Variants in LHX4 observed in about 807,000 individuals in gnomAD.
LHX4 encodes the protein LIM/homeobox protein Lhx4.
A neutral mutation model predicts 39.2 loss-of-function variants in LHX4; 16 were observed. The ratio of observed to expected loss-of-function variants is 0.41; its 90% CI spans 0.28 to 0.62. LHX4 has a LOEUF of 0.62. Ranked by LOEUF, LHX4 falls within the 20% of genes least tolerant of loss-of-function variation. The pLI, the probability that LHX4 is intolerant of heterozygous loss-of-function variation, is 0.33. For synonymous variants in LHX4, 206 were observed against 198.1 expected (o/e 1.04, Z -0.33); for missense variants, 439 against 511.9 (o/e 0.86, Z 1.37).
chr1:180,235,957 T>G (rs1664307026), intron 1 of LHX4, among the ~76,000 whole-genome samples: 1 of 151,578 alleles, frequency 6.6e-6, no homozygotes, highest in African/African-American at 2.4e-5. Flanking sequence ...AAAAAGGAAA[T>G]GAATTACTAG....
In LHX4 at chr1:180,234,723, A is replaced by G. The variant is rs1203468414; in HGVS notation, c.76+4118A>G. On this transcript the variant is annotated intron_variant, in intron 1 of 5. Coordinates refer to ENST00000263726, the MANE Select transcript of LHX4 (RefSeq NM_033343.4). This position sits in a 1 kb window ranked among gnomAD's most constrained non-coding sequence, Gnocchi z 4.8. Reference sequence around the variant, plus strand: ...AGTCCGCAGTGTCCCGGGAAGTCGTAAAGTCGGGACTGAGAAGAAGCAGGA... The same window carrying G: ...AGTCCGCAGTGTCCCGGGAAGTCGTGAAGTCGGGACTGAGAAGAAGCAGGA... 6.6e-6 allele frequency among the ~76,000 whole-genome samples: 1 copy of G among 152,256 alleles called. No homozygotes were observed. The highest frequency in any genetic ancestry group is 2.4e-5 in the African/African-American group (1 of 41,480).
chr1:180,230,211 G>C, upstream of LHX4: 1 of 447,276 alleles, frequency 2.2e-6, no homozygotes. This position sits in a 1 kb window ranked among gnomAD's most constrained non-coding sequence, Gnocchi z 5.8. Context: ...GGCACGCGAA[G>C]GGTGGAGGGG....
rs529860664 is a variant in LHX4 at position 180,277,776 on chromosome 1, T to C, written c.*3197T>C. The C allele has an allele frequency of 2.6e-5, 4 of 152,048 alleles. No homozygotes were observed. The South Asian group carries it at 6.2e-4, about 24-fold the overall frequency. 9.4% of individuals were successfully genotyped at this position (152,048 alleles called of 1,614,324 possible). On this transcript the variant is annotated 3_prime_UTR_variant, in exon 6 of 6. Coordinates refer to ENST00000263726, the MANE Select transcript of LHX4 (RefSeq NM_033343.4). ...AACGTAAAATAAAGATCAACTATCATTGATAACACTGTTCCTGCAAATGAA... is the reference window on the plus strand; with the variant it reads ...AACGTAAAATAAAGATCAACTATCACTGATAACACTGTTCCTGCAAATGAA...
intron 1 of LHX4, among the ~76,000 whole-genome samples, chr1:180,236,503 G>A (rs1013988874): frequency 2.0e-5 from 3 of 152,180 alleles, no homozygotes; most frequent in Non-Finnish European, 4.4e-5. Context: ...AAGGAGGATG[G>A]GGCTTGCAGT....
intron 2 of LHX4, among the ~76,000 whole-genome samples, chr1:180,253,594 C>T (rs1004269256): frequency 2.6e-5 from 4 of 152,236 alleles, no homozygotes; most frequent in African/African-American, 9.6e-5. Flanking sequence ...CTTTCGTTAG[C>T]AGTTTGTCAG....
chr1:180,232,828 A>G lies in LHX4; in HGVS notation c.76+2223A>G, dbSNP rs186023823. On this transcript the variant is annotated intron_variant, in intron 1 of 5. Coordinates refer to ENST00000263726, the MANE Select transcript of LHX4 (RefSeq NM_033343.4). The surrounding 1 kb of genome is among the most constrained non-coding windows in gnomAD (Gnocchi z 5.4). ...TTGGGACTGGGCCCAGTGGCCTAAG[A>G]AGGGGGGAAGCTCGAGGGGTTGTGG... Among the ~76,000 whole-genome samples, 3 of 152,294 alleles carry G rather than the reference A, an allele frequency of 2.0e-5. No homozygotes were observed. The highest frequency in any genetic ancestry group is 6.5e-5 in the Admixed American group (1 of 15,306).
intron 1 of LHX4, among the ~76,000 whole-genome samples, chr1:180,247,765 C>A (rs1188204147): frequency 6.6e-6 from 1 of 152,206 alleles, no homozygotes; most frequent in Non-Finnish European, 1.5e-5. Context: ...CAGGCTTGGA[C>A]CTTGATCACT....
intron 1 of LHX4, among the ~76,000 whole-genome samples, chr1:180,243,148 C>T (rs1156289150): frequency 2.0e-5 from 3 of 152,108 alleles, no homozygotes; most frequent in African/African-American, 4.8e-5. Context: ...ACCACCATGC[C>T]TGGCTAATTT....
In LHX4 at chr1:180,261,035, G is replaced by A. The variant is rs1648094930; in HGVS notation, c.249-5357G>A. 2.0e-5 allele frequency among the ~76,000 whole-genome samples: 3 copies of A among 151,880 alleles called. No individual in the cohort carries two copies. In the South Asian group the frequency reaches 6.2e-4, roughly 31 times the overall value. On this transcript the variant is annotated intron_variant, in intron 2 of 5. Coordinates refer to ENST00000263726, the MANE Select transcript of LHX4 (RefSeq NM_033343.4). Reference sequence around the variant, plus strand: ...GTGTGATGGCGACAGCAAGTGGGATGTAAAGTCTTGTGGTTTAGTAAACCA... The same window carrying A: ...GTGTGATGGCGACAGCAAGTGGGATATAAAGTCTTGTGGTTTAGTAAACCA...
intron 2 of LHX4, among the ~76,000 whole-genome samples, chr1:180,257,635 A>C (rs1392299297): frequency 6.6e-6 from 1 of 152,256 alleles, no homozygotes. Flanking sequence ...TTTCCTGTCA[A>C]GTGTGGTGAT....
intron 3 of LHX4, chr1:180,270,420 G>T (rs927370271): frequency 2.0e-5 from 3 of 152,356 alleles, no homozygotes; most frequent in Admixed American, 2.0e-4. Flanking sequence ...GTCCTCCAGG[G>T]GCACTGTGGA....
chr1:180,256,715 G>A (rs932958178), intron 2 of LHX4, among the ~76,000 whole-genome samples: 2 of 152,168 alleles, frequency 1.3e-5, no homozygotes, highest in African/African-American at 4.8e-5. Context: ...GCCCCAAAGT[G>A]GGAGTCAGGG....
upstream of LHX4, among the ~76,000 whole-genome samples, chr1:180,229,647 C>A (rs1418307159): frequency 6.6e-6 from 1 of 151,608 alleles, no homozygotes; most frequent in South Asian, 2.1e-4. Context: ...ATGGAGTCAT[C>A]GGTTACGGAG....
chr1:180,273,872 G>A (rs890876182), intron 5 of LHX4: 7 of 397,064 alleles, frequency 1.8e-5, no homozygotes, highest in Non-Finnish European at 2.8e-5. Context: ...CCAGCCTTAG[G>A]CATTCATCCT....
chr1:180,263,286 G>A lies in LHX4; in HGVS notation c.249-3106G>A, dbSNP rs183663126. On this transcript the variant is annotated intron_variant, in intron 2 of 5. Transcript: ENST00000263726. ...ACCGTGTGTCTCATTATTGCCTGTC[G>A]CAGGGCAAGTCATGTGACCTGCCAG... Among the ~76,000 whole-genome samples the A allele has an allele frequency of 3.3e-5, 5 of 152,310 alleles. No homozygotes were observed. The East Asian group carries it at 5.8e-4, about 18-fold the overall frequency.
rs1396678529 is a variant in LHX4, at chr1:180,274,335, TC to T, written c.934del (p.Gln312SerfsTer37). The T allele has an allele frequency of 6.2e-7, 1 of 1,614,146 alleles. No homozygotes were observed. Among genetic ancestry groups the T allele is most frequent in the Admixed American group, 1.7e-5 (1 of 60,022 alleles). On this transcript the variant is annotated frameshift_variant, in exon 6 of 6. Coordinates refer to ENST00000263726, the MANE Select transcript of LHX4 (RefSeq NM_033343.4). LOFTEE classifies it high-confidence loss of function. ...QDLRDGSPYG[I>X]PQSPSSISSL... is the part of the protein sequence containing the mutation. ...TTGAGGGATGGGAGCCCCTATGGAA[TC>T]CCCCAGTCTCCATCCTCCATATCGT...
At chr1:180,269,345 T>C (rs182026425) in intron 3 of LHX4, among the ~76,000 whole-genome samples, 5 of 152,346 alleles carry the variant, frequency 3.3e-5, no homozygotes, top group African/African-American at 9.6e-5. Context: ...ACCAAAGTTA[T>C]TGATTTTTGG....
rs918065001 is a variant in LHX4, at chr1:180,274,866, G to C, written c.*287G>C. On this transcript the variant is annotated 3_prime_UTR_variant, in exon 6 of 6. Transcript: ENST00000263726. ...GTCTCTCCCCTGCTGTTCTGCTTAG[G>C]GGCTTGGCTGCTCAGTGCTTTGGTA... The C allele has an allele frequency of 3.1e-6, 1 of 327,142 alleles. No homozygotes were observed. Among genetic ancestry groups the C allele is most frequent in the African/African-American group, 2.1e-5 (1 of 48,582 alleles). The allele number at this position is 327,142 out of a possible 1,614,324, so 20.3% of individuals were successfully genotyped here. A position where few individuals can be genotyped will look rare whatever the true frequency, so the allele number is the denominator to read the frequency against.
chr1:180,259,187 T>A (rs549798392), intron 2 of LHX4, among the ~76,000 whole-genome samples: 2 of 151,084 alleles, frequency 1.3e-5, no homozygotes, highest in East Asian at 2.0e-4. Context: ...AGCGAGCAGG[T>A]GTGTTGGGAG....
Sources: allele counts gnomAD v4.1 joint callset (sites outside exome capture counted in the v4.1 genomes callset), GRCh38; gene constraint gnomAD v4.1.1; non-coding constraint Gnocchi (gnomAD v3.1); transcripts MANE v1.5; gene names NCBI Gene and HGNC (gene_info 2026-07-23, HGNC 2026-07-21).